The following AMZ1 variants were observed in gnomAD, a reference collection of about 807,000 sequenced individuals.
AMZ1 encodes the protein archaelysin family metallopeptidase 1.
In AMZ1, 39 loss-of-function variants were observed where a neutral mutation model predicts 29.9. The ratio of observed to expected loss-of-function variants is 1.30; its 90% confidence interval spans 1.01 to 1.70. The LOEUF is 1.70. AMZ1 is among the 40% of genes most tolerant of loss of function. AMZ1 has a pLI of 0.00. For missense variants in AMZ1, 1,041 were observed against 680.6 expected (o/e 1.53, Z -5.89); for synonymous variants, 458 against 304.0 (o/e 1.51, Z -5.27).
chr7:2,744,851 C>T (rs982949894), intron 4 of AMZ1, among the ~76,000 whole-genome samples: 1 of 152,226 alleles, frequency 6.6e-6, no homozygotes, highest in East Asian at 1.9e-4. Context: ...AAAACCAAGG[C>T]ATGAGAACTA....
At chr7:2,740,999 C>A (rs182306619) in intron 4 of AMZ1, among the ~76,000 whole-genome samples, 1 of 152,150 alleles carries the variant, frequency 6.6e-6, no homozygotes, top group Non-Finnish European at 1.5e-5. Flanking sequence ...GAGCTGAGAT[C>A]GGGCCACTGC....
chr7:2,684,177 CA>C (rs34409824), upstream of AMZ1, among the ~76,000 whole-genome samples: 4,776 of 147,200 alleles, frequency 0.032, 159 homozygotes, highest in African/African-American at 0.081. Flanking sequence ...GACTCCATCT[CA>C]AAAAAAAAAA....
chr7:2,721,105 T>G (rs2115243108), downstream of AMZ1, among the ~76,000 whole-genome samples: 1 of 152,262 alleles, frequency 6.6e-6, no homozygotes, highest in Admixed American at 6.5e-5. Flanking sequence ...AACGACCGAC[T>G]CTATTGAAGA....
intron 1 of AMZ1, among the ~76,000 whole-genome samples, chr7:2,694,723 A>G (rs1050823360): frequency 1.2e-4 from 18 of 151,396 alleles, no homozygotes; most frequent in African/African-American, 4.4e-4. Context: ...CTCAGGCTGG[A>G]GTGCAGTGGC....
chr7:2,742,436 C>A (rs1790555162), intron 4 of AMZ1, among the ~76,000 whole-genome samples: 1 of 152,166 alleles, frequency 6.6e-6, no homozygotes, highest in Admixed American at 6.5e-5. Context: ...TCCATGCTTG[C>A]TGGTCTGTGA....
intron 4 of AMZ1, among the ~76,000 whole-genome samples, chr7:2,746,592 C>T (rs912809720): frequency 2.6e-5 from 4 of 152,104 alleles, no homozygotes; most frequent in Non-Finnish European, 5.9e-5. Context: ...GACACCCTAA[C>T]ATCACAACTA....
In AMZ1 at chr7:2,742,178, T is replaced by C. The variant is rs141758925; in HGVS notation, n.551-22534T>C. The stretch of plus-strand genomic sequence containing the variant: ...CTGGGATTACAGAGGTGCACCACCA[T>C]ACCTGGCTAATTTTTGTATTTTTAC... On this transcript the variant is annotated intron_variant and non_coding_transcript_variant, in intron 4 of 4. Transcript: ENST00000489665. 4.2e-3 allele frequency among the ~76,000 whole-genome samples: 631 copies of C among 151,888 alleles called. 5 individuals are homozygous for C. The highest frequency in any genetic ancestry group is 0.015 in the African/African-American group (604 of 41,400).
intron 4 of AMZ1, among the ~76,000 whole-genome samples, chr7:2,744,197 G>C (rs999762212): frequency 1.3e-5 from 2 of 152,242 alleles, no homozygotes. Flanking sequence ...CGCAGCTGGA[G>C]ATCTGAGAAC....
chr7:2,741,143 G>C (rs951628006), intron 4 of AMZ1, among the ~76,000 whole-genome samples: 1 of 152,194 alleles, frequency 6.6e-6, no homozygotes, highest in Non-Finnish European at 1.5e-5. Context: ...AGAAAAATGA[G>C]CTAGAAAGAA....
intron 4 of AMZ1, among the ~76,000 whole-genome samples, chr7:2,742,594 C>G (rs1033734984): frequency 6.6e-6 from 1 of 152,176 alleles, no homozygotes; most frequent in Admixed American, 6.5e-5. Context: ...CACTGAGTCT[C>G]GCCGGCCCTT....
upstream of AMZ1, among the ~76,000 whole-genome samples, chr7:2,761,726 G>T (rs913048645): frequency 6.6e-6 from 1 of 152,164 alleles, no homozygotes; most frequent in Non-Finnish European, 1.5e-5. Context: ...AAAAAACAAT[G>T]AAGAGTTGAC....
chr7:2,744,069 C>G (rs1025601284), intron 4 of AMZ1, among the ~76,000 whole-genome samples: 6 of 152,240 alleles, frequency 3.9e-5, no homozygotes, highest in African/African-American at 1.2e-4. Context: ...GGCCTGCCTG[C>G]CTCTGTAGGT....
intron 4 of AMZ1, 142 bp from the exon 5 acceptor site, chr7:2,708,933 T>G: frequency 1.6e-6 from 2 of 1,272,770 alleles, no homozygotes; most frequent in Non-Finnish European, 1.1e-6. Flanking sequence ...CCCAACTTCA[T>G]GTGGGCAGGA....
chr7:2,680,952 C>T (rs1034671303), intron 1 of AMZ1, among the ~76,000 whole-genome samples: 2 of 152,170 alleles, frequency 1.3e-5, no homozygotes, highest in South Asian at 2.1e-4. Flanking sequence ...TCGGGATCCC[C>T]GCATCCACCA....
chr7:2,741,044 C>G (rs1333674675), intron 4 of AMZ1, among the ~76,000 whole-genome samples: 1 of 133,256 alleles, frequency 7.5e-6, no homozygotes, highest in African/African-American at 2.8e-5. Flanking sequence ...GACTCCGTCT[C>G]AAAACAAACA....
upstream of AMZ1, among the ~76,000 whole-genome samples, chr7:2,685,855 GAAAAAAAA>G (rs10710624): frequency 3.5e-5 from 3 of 86,748 alleles, no homozygotes; most frequent in Non-Finnish European, 4.9e-5. Flanking sequence ...TCCGTCTCAA[GAAAAAAAA>G]AAAAAAAAAA....
chr7:2,701,373 T>C (rs73283140), intron 2 of AMZ1, among the ~76,000 whole-genome samples: 2 of 151,956 alleles, frequency 1.3e-5, no homozygotes, highest in Non-Finnish European at 2.9e-5. Context: ...TGGAACGCAG[T>C]TCTATTTGAC....
At position 2,708,709 on chromosome 7, in the gene AMZ1, AGGGCAC is replaced by A; in HGVS notation, c.597_601+1del. On this transcript the variant is annotated inframe_deletion and splice_region_variant, in exon 4 of 7. Coordinates refer to ENST00000683327, the MANE Select transcript of AMZ1 (RefSeq NM_001384743.1). ...GCTTCACCTTCAGCAAGTTCCTTCC[AGGGCAC>A]GGTGAGCCGGGGCCCCAGCAGCTGT... The A allele has an allele frequency of 6.2e-7, 1 of 1,612,692 alleles. No homozygotes were observed.
chr7:2,712,001 C>T (rs113774049), intron 6 of AMZ1, among the ~76,000 whole-genome samples: 1,922 of 152,144 alleles, frequency 0.013, 54 homozygotes, highest in African/African-American at 0.044. Flanking sequence ...GAGCTGAGAT[C>T]GCAGCACTGC....
Sources: gnomAD v4.1 joint callset for allele counts (sites outside exome capture counted in the v4.1 genomes callset) on GRCh38, gnomAD v4.1.1 for gene constraint, MANE v1.5 for transcripts, NCBI Gene and HGNC (gene_info 2026-07-23, HGNC 2026-07-21) for gene names.